GLCCI1: variants seen among roughly 807,000 people sequenced by gnomAD.
GLCCI1 encodes the protein glucocorticoid-induced transcript 1 protein.
A neutral mutation model predicts 52.2 loss-of-function variants in GLCCI1; 24 were observed. That is an observed-to-expected ratio of 0.46 (90% CI 0.33 to 0.65). The LOEUF is 0.65. Among genes scored for constraint, GLCCI1 ranks in the 30% least tolerant of loss-of-function variants. The pLI, the probability that GLCCI1 is intolerant of heterozygous loss-of-function variation, is 0.02. For missense variants in GLCCI1, 704 were observed against 701.5 expected, an observed-to-expected ratio of 1.00 and a Z score of -0.04; for synonymous variants, 310 against 276.5, an observed-to-expected ratio of 1.12 and a Z score of -1.20.
intron 4 of GLCCI1, among the ~76,000 whole-genome samples, chr7:8,056,815 AATAC>A (rs746291434): frequency 1.3e-5 from 2 of 152,226 alleles, no homozygotes; most frequent in Non-Finnish European, 2.9e-5. Context: ...ACTAACTGCA[AATAC>A]AGTAAGATCC....
rs920293483 is a variant in GLCCI1, at chr7:8,040,026, G to A, written c.697-15407G>A. ...AAAAAAAAAAAAAGAAGAAGCCCAG[G>A]CTTCCCTACACAATATATCCATGTA... On this transcript the variant is annotated intron_variant, in intron 3 of 7. Transcript: ENST00000223145. 2.7e-5 allele frequency among the ~76,000 whole-genome samples: 4 copies of A among 148,074 alleles called. No homozygotes were observed. The South Asian group carries it at 8.6e-4, about 32-fold the overall frequency.
chr7:7,993,937 A>G (rs1267658172), intron 1 of GLCCI1, among the ~76,000 whole-genome samples: 2 of 152,230 alleles, frequency 1.3e-5, no homozygotes, highest in African/African-American at 4.8e-5. Flanking sequence ...TAAACACATC[A>G]TAAAGTCAAA....
chr7:8,057,507 G>A (rs902774216), intron 4 of GLCCI1, among the ~76,000 whole-genome samples: 1 of 151,970 alleles, frequency 6.6e-6, no homozygotes, highest in African/African-American at 2.4e-5. Flanking sequence ...CAACATTATC[G>A]AAACAAAGTT....
At chr7:7,970,844 T>G (rs1292947536) in intron 1 of GLCCI1, among the ~76,000 whole-genome samples, 1 of 152,000 alleles carries the variant, frequency 6.6e-6, no homozygotes, top group Non-Finnish European at 1.5e-5. Context: ...TGCTGCATTG[T>G]GGAGGGAACA....
intron 5 of GLCCI1, among the ~76,000 whole-genome samples, chr7:8,067,130 A>G (rs1018052485): frequency 6.6e-6 from 1 of 152,148 alleles, no homozygotes; most frequent in Non-Finnish European, 1.5e-5. Context: ...CTTTACCATT[A>G]TATACTGACC....
chr7:8,016,007 A>G (rs1170729358), intron 2 of GLCCI1, among the ~76,000 whole-genome samples: 1 of 152,226 alleles, frequency 6.6e-6, no homozygotes, highest in Non-Finnish European at 1.5e-5. Flanking sequence ...TTTATTTGGA[A>G]TAACACTCTT....
At chr7:8,058,669 A>T (rs572112543) in intron 4 of GLCCI1, among the ~76,000 whole-genome samples, 21 of 152,320 alleles carry the variant, frequency 1.4e-4, no homozygotes, top group Non-Finnish European at 2.6e-4. Context: ...TTTAAATGTG[A>T]AAAACTGTAA....
intron 1 of GLCCI1, among the ~76,000 whole-genome samples, chr7:7,990,367 C>T (rs780986640): frequency 6.6e-6 from 1 of 152,068 alleles, no homozygotes; most frequent in Non-Finnish European, 1.5e-5. Flanking sequence ...ACAGTTCAAT[C>T]GGTAATATCA....
intron 3 of GLCCI1, among the ~76,000 whole-genome samples, chr7:8,034,650 T>A (rs1781826102): frequency 6.6e-6 from 1 of 152,122 alleles, no homozygotes; most frequent in African/African-American, 2.4e-5. Flanking sequence ...TGAATAATCA[T>A]AACTTGAATA....
At chr7:8,012,724 C>A (rs181226667) in intron 2 of GLCCI1, among the ~76,000 whole-genome samples, 1 of 152,096 alleles carries the variant, frequency 6.6e-6, no homozygotes, top group Non-Finnish European at 1.5e-5. Flanking sequence ...GGATTACAGG[C>A]GTGAGCCACC....
chr7:7,998,042 A>G (rs1780970221), intron 1 of GLCCI1, among the ~76,000 whole-genome samples: 1 of 151,920 alleles, frequency 6.6e-6, no homozygotes, highest in Non-Finnish European at 1.5e-5. Flanking sequence ...TTATTTAATG[A>G]AATTAAATTA....
chr7:8,086,520 G>T lies in GLCCI1; in HGVS notation c.1626G>T (p.Gln542His), dbSNP rs201397976. ...ELQGEDHISAQNYVII is the reference protein window; with the variant it reads ...ELQGEDHISAHNYVII ...AGGGTGAGGACCACATCTCTGCTCA[G>T]AACTATGTGATCATCTAAAAAAGGG... is the stretch of plus-strand genomic sequence containing the variant. Residue 542 changes from glutamine (Q) to histidine (H), a missense_variant, in exon 8 of 8, where the codon CAG becomes CAT. Gln to His is a conservative substitution (Grantham distance 24). This residue lies in a region of GLCCI1 where 149 missense variants were observed against 152.9 expected (regional missense o/e 0.97). Coordinates refer to ENST00000223145, the MANE Select transcript of GLCCI1 (RefSeq NM_138426.4). This position sits in a 1 kb window ranked among gnomAD's most constrained non-coding sequence, Gnocchi z 4.4. 9.4e-6 allele frequency: 15 copies of T among 1,591,930 alleles called. No homozygotes were observed. In the African/African-American group the frequency reaches 1.8e-4, roughly 19 times the overall value.
intron 5 of GLCCI1, 94 bp downstream of exon 5, chr7:8,060,342 A>G (rs761170074): frequency 1.1e-6 from 1 of 941,340 alleles, no homozygotes; most frequent in African/African-American, 1.6e-5. Context: ...TTAAGATATA[A>G]TTCACATACC....
At chr7:8,063,752 G>A (rs1584012951) in intron 5 of GLCCI1, among the ~76,000 whole-genome samples, 1 of 149,552 alleles carries the variant, frequency 6.7e-6, no homozygotes, top group East Asian at 2.0e-4. Context: ...CTGAGTAGCT[G>A]GGACTACAGT....
At chr7:7,978,050 G>A (rs1461084759) in intron 1 of GLCCI1, among the ~76,000 whole-genome samples, 1 of 152,138 alleles carries the variant, frequency 6.6e-6, no homozygotes, top group Non-Finnish European at 1.5e-5. Context: ...AAGCTAAATG[G>A]GACTAGACGC....
At chr7:7,988,009 T>A (rs1780770705) in intron 1 of GLCCI1, among the ~76,000 whole-genome samples, 2 of 152,040 alleles carry the variant, frequency 1.3e-5, no homozygotes, top group Non-Finnish European at 2.9e-5. Flanking sequence ...ATAATGGGAG[T>A]CTTCTTGGAG....
intron 1 of GLCCI1, among the ~76,000 whole-genome samples, chr7:8,003,015 G>T (rs750905277): frequency 6.6e-6 from 1 of 152,100 alleles, no homozygotes; most frequent in Non-Finnish European, 1.5e-5. Context: ...CAAATTCTTC[G>T]TCTGTGAATG....
chr7:7,987,388 G>T (rs1234454416), intron 1 of GLCCI1, among the ~76,000 whole-genome samples: 1 of 152,112 alleles, frequency 6.6e-6, no homozygotes, highest in Non-Finnish European at 1.5e-5. Context: ...TCAAAGCACT[G>T]TATTTACACC....
At chr7:8,037,439 A>C (rs908450741) in intron 3 of GLCCI1, among the ~76,000 whole-genome samples, 2 of 152,194 alleles carry the variant, frequency 1.3e-5, no homozygotes, top group African/African-American at 4.8e-5. Context: ...CATCATAAAA[A>C]CACATGAAAG....
Sources: allele counts gnomAD v4.1 joint callset (sites outside exome capture counted in the v4.1 genomes callset), GRCh38; gene constraint gnomAD v4.1.1; regional missense constraint gnomAD v4.1.1; non-coding constraint Gnocchi (gnomAD v3.1); transcripts MANE v1.5; gene names NCBI Gene and HGNC (gene_info 2026-07-23, HGNC 2026-07-21).